DACH1: variants seen among roughly 807,000 people sequenced by gnomAD.
DACH1 encodes dachshund family transcription factor 1.
In DACH1, 12 loss-of-function variants were observed where a neutral mutation model predicts 54.2. That is an observed-to-expected ratio of 0.22 (90% CI 0.14 to 0.36). DACH1 has a LOEUF of 0.36. DACH1 is among the 10% of genes least tolerant of loss of function. The pLI is 1.00. For synonymous variants in DACH1, 386 were observed against 366.2 expected, an observed-to-expected ratio of 1.05 and a Z score of -0.62; for missense variants, 805 against 929.8, an observed-to-expected ratio of 0.87 and a Z score of 1.75.
chr13:71,485,455 T>C (rs141637516), intron 7 of DACH1, among the ~76,000 whole-genome samples: 31 of 150,006 alleles, frequency 2.1e-4, no homozygotes, highest in Admixed American at 2.1e-3. Flanking sequence ...TTTATATATA[T>C]AAATTTTATA....
Position 71,660,195 on chromosome 13 carries a change from T to G in DACH1, c.964+21600A>C, listed in dbSNP as rs1004750519. ...GATGTATAAGTGCTGGCAGCCGAAA[T>G]TGCCCTGAGCACAAAATGAGCTTTC... On this transcript the variant is annotated intron_variant, in intron 2 of 10. Transcript: ENST00000613252. 2.0e-5 allele frequency among the ~76,000 whole-genome samples: 3 copies of G among 152,078 alleles called. No homozygotes were observed. In the East Asian group the frequency reaches 5.8e-4, roughly 29 times the overall value.
intron 2 of DACH1, among the ~76,000 whole-genome samples, chr13:71,658,748 A>G (rs558639449): frequency 6.6e-6 from 1 of 152,330 alleles, no homozygotes; most frequent in East Asian, 1.9e-4. Context: ...TTTGAGGAAG[A>G]GATCTTGCTG....
At chr13:71,733,325 C>G (rs1044644697) in intron 1 of DACH1, among the ~76,000 whole-genome samples, 1 of 152,076 alleles carries the variant, frequency 6.6e-6, no homozygotes, top group Admixed American at 6.6e-5. Flanking sequence ...CTATGCCTGG[C>G]CAAGTTTTTT....
intron 6 of DACH1, among the ~76,000 whole-genome samples, chr13:71,498,426 T>C (rs953485170): frequency 1.3e-5 from 2 of 152,188 alleles, no homozygotes; most frequent in East Asian, 1.9e-4. Flanking sequence ...ACATCCATGA[T>C]AGTAAAACTA....
At chr13:71,672,182 T>C (rs1307462257) in intron 2 of DACH1, among the ~76,000 whole-genome samples, 1 of 152,190 alleles carries the variant, frequency 6.6e-6, no homozygotes, top group Non-Finnish European at 1.5e-5. Flanking sequence ...AGCTTAGGTT[T>C]ATATTAGCAC....
intron 1 of DACH1, among the ~76,000 whole-genome samples, chr13:71,782,682 G>C (rs1401745342): frequency 1.3e-5 from 2 of 151,944 alleles, no homozygotes. Flanking sequence ...TTTTCCCATA[G>C]TGCGTACTCT....
intron 1 of DACH1, among the ~76,000 whole-genome samples, chr13:71,815,366 GCA>G (rs1887872384): frequency 6.6e-6 from 1 of 151,928 alleles, no homozygotes; most frequent in South Asian, 2.1e-4. Flanking sequence ...CAGGCGTCAA[GCA>G]CAGTGTTATT....
chr13:71,740,060 A>AT (rs1293114412), intron 1 of DACH1, among the ~76,000 whole-genome samples: 1 of 152,230 alleles, frequency 6.6e-6, no homozygotes, highest in African/African-American at 2.4e-5. Context: ...ACTTGTACAA[A>AT]TAAAAGGTCA....
chr13:71,721,717 T>C (rs1463966078), intron 1 of DACH1, among the ~76,000 whole-genome samples: 1 of 152,188 alleles, frequency 6.6e-6, no homozygotes, highest in Admixed American at 6.5e-5. Context: ...TTATTTATTT[T>C]GTGCGATATC....
chr13:71,679,518 T>C (rs1025863698), intron 2 of DACH1, among the ~76,000 whole-genome samples: 2 of 152,056 alleles, frequency 1.3e-5, no homozygotes, highest in African/African-American at 4.8e-5. Context: ...CTCTTATAAC[T>C]GTGAGAAAGT....
chr13:71,773,967 T>C (rs1458922452), intron 1 of DACH1, among the ~76,000 whole-genome samples: 2 of 139,522 alleles, frequency 1.4e-5, no homozygotes, highest in South Asian at 4.3e-4. Flanking sequence ...GTCACTCTAT[T>C]GCCTGTTTAA....
Position 71,572,865 on chromosome 13 carries a change from G to A in DACH1, c.1274C>T (p.Ser425Phe). 1.9e-6 allele frequency: 3 copies of A among 1,613,736 alleles called. No homozygotes were observed. The highest frequency in any genetic ancestry group is 2.5e-6 in the Non-Finnish European group (3 of 1,179,802). The change falls in exon 4 of 11, where the codon TCC becomes TTC. Residue 425 changes from serine (S) to phenylalanine (F), a missense_variant. Coordinates refer to ENST00000613252, the MANE Select transcript of DACH1 (RefSeq NM_080759.6). The part of the protein sequence containing the change: ...AAAAQVQSPP[S>F]RVETSVIKER... ...CTTAATAACTGATGTCTCAACTCTG[G>A]ATGGGGGACTCTGAACTTGTGCTGC...
Position 71,865,988 on chromosome 13 carries a change from A to C in DACH1, c.782T>G (p.Val261Gly). The C allele has an allele frequency of 6.2e-7, 1 of 1,613,288 alleles. No homozygotes were observed. The highest frequency in any genetic ancestry group is 8.5e-7 in the Non-Finnish European group (1 of 1,179,826). The change falls in exon 1 of 11, where the codon GTG (valine) becomes GGG (glycine). Residue 261 changes from valine to glycine, a missense_variant. Transcript: ENST00000613252. ...CCTGGAGATGAGTTTGCAGCGGTTC[A>C]CTCCTGGCTGGATGGCGCCCAGTCC... ...LRGLGAIQPG[V>G]NRCKLISRKD...
intron 3 of DACH1, among the ~76,000 whole-genome samples, chr13:71,613,655 T>G (rs1875511018): frequency 6.6e-6 from 1 of 152,138 alleles, no homozygotes; most frequent in South Asian, 2.1e-4. Flanking sequence ...ATAAACAGAT[T>G]ACACATGTTA....
chr13:71,865,972 G>C lies in DACH1; in HGVS notation c.798C>G (p.Leu266=). The C allele has an allele frequency of 6.2e-7, 1 of 1,613,966 alleles. No homozygotes were observed. Among genetic ancestry groups the C allele is most frequent in the Non-Finnish European group, 8.5e-7 (1 of 1,179,958 alleles). The change falls in exon 1 of 11, where the codon CTC becomes CTG. Residue 266 remains leucine (L), a synonymous_variant. Coordinates refer to ENST00000613252, the MANE Select transcript of DACH1 (RefSeq NM_080759.6). ...GGGTCTCGAAGTCCTTCCTGGAGATGAGTTTGCAGCGGTTCACTCCTGGCT... is the reference window on the plus strand; with the variant it reads ...GGGTCTCGAAGTCCTTCCTGGAGATCAGTTTGCAGCGGTTCACTCCTGGCT... ...AIQPGVNRCK[L]ISRKDFETLY...
intron 10 of DACH1, among the ~76,000 whole-genome samples, chr13:71,466,882 A>G (rs919916119): frequency 3.3e-5 from 5 of 149,256 alleles, no homozygotes; most frequent in Admixed American, 2.7e-4. Context: ...GATATATTAC[A>G]AACTAAGCTC....
intron 3 of DACH1, among the ~76,000 whole-genome samples, chr13:71,591,905 C>T (rs1873737853): frequency 6.6e-6 from 1 of 152,004 alleles, no homozygotes. Flanking sequence ...TGTATCACTG[C>T]CATGCCAAAC....
intron 1 of DACH1, among the ~76,000 whole-genome samples, chr13:71,815,930 A>G (rs1887900868): frequency 6.6e-6 from 1 of 151,746 alleles, no homozygotes; most frequent in African/African-American, 2.4e-5. Context: ...CTAAAAATAC[A>G]AAAAATTAGC....
chr13:71,557,019 A>C lies in DACH1; in HGVS notation c.1570+5T>G, dbSNP rs915345172. On this transcript the variant is annotated splice_donor_5th_base_variant and intron_variant, in intron 6 of 10. Transcript: ENST00000613252. Reference sequence around the variant, plus strand: ...AAAAACAAGGAATATATAATCATACATTACCTTTTTCAATATGCATCCTTT... The same window carrying C: ...AAAAACAAGGAATATATAATCATACCTTACCTTTTTCAATATGCATCCTTT... 1 of 1,596,538 alleles carries C rather than the reference A, an allele frequency of 6.3e-7. No individual in the cohort carries two copies. Among genetic ancestry groups the C allele is most frequent in the East Asian group, 2.3e-5 (1 of 43,912 alleles).
Sources: gnomAD v4.1 joint callset for allele counts (sites outside exome capture counted in the v4.1 genomes callset) on GRCh38, gnomAD v4.1.1 for gene constraint, MANE v1.5 for transcripts, NCBI Gene and HGNC (gene_info 2026-07-23, HGNC 2026-07-21) for gene names.